Variants in MAP4K1 observed in about 807,000 individuals in gnomAD.
MAP4K1 encodes the protein MAPK/ERK kinase kinase kinase 1.
MAP4K1 carries 35 observed loss-of-function variants against 122.8 expected under a neutral mutation model. The observed-to-expected ratio is 0.29, with a 90% CI of 0.22 to 0.38. The LOEUF (loss-of-function observed/expected upper bound fraction) is 0.38. Ranked by LOEUF, MAP4K1 falls within the 10% of genes least tolerant of loss-of-function variation. MAP4K1 has a pLI of 1.00. For missense variants in MAP4K1, 791 were observed against 1,072.6 expected (o/e 0.74, Z 3.67); for synonymous variants, 412 against 421.3 (o/e 0.98, Z 0.27).
chr19:38,601,592 T>C, intron 19 of MAP4K1, 67 bp from the exon 20 acceptor site: 1 of 1,229,568 alleles, frequency 8.1e-7, no homozygotes, highest in Non-Finnish European at 1.2e-6. Context: ...GAAGGGGCAG[T>C]GGTTACGACT....
rs926226720 is a variant in MAP4K1, at chr19:38,616,178, G to A, written c.313+17C>T. 41 of 1,608,070 alleles carry A rather than the reference G, an allele frequency of 2.5e-5. No individual in the cohort carries two copies. Among genetic ancestry groups the A allele is most frequent in the Non-Finnish European group, 3.2e-5 (38 of 1,177,302 alleles). On this transcript the variant is annotated intron_variant, in intron 4 of 30. Coordinates refer to ENST00000396857, the MANE Select transcript of MAP4K1 (RefSeq NM_001042600.3). Reference sequence around the variant, plus strand: ...GGATAGGGAGGGGTGCTTGGGTCCCGTTGTCCTTTCTCTAACCTTGGTAGA... The same window carrying A: ...GGATAGGGAGGGGTGCTTGGGTCCCATTGTCCTTTCTCTAACCTTGGTAGA...
rs1224269473 is a variant in MAP4K1 at position 38,594,823 on chromosome 19, C to T, written c.2340+662G>A. Among the ~76,000 whole-genome samples the T allele has an allele frequency of 2.0e-5, 3 of 151,886 alleles. 1 individual carries two copies. Among genetic ancestry groups the T allele is most frequent in the South Asian group, 4.2e-4 (2 of 4,804 alleles). ...AAGCATGGCGGCATGCACCTGTAGTCTCAGCTACTCAGGAGGCTGAGGCAG... is the reference window on the plus strand; with the variant it reads ...AAGCATGGCGGCATGCACCTGTAGTTTCAGCTACTCAGGAGGCTGAGGCAG... On this transcript the variant is annotated intron_variant, in intron 29 of 30. Coordinates refer to ENST00000396857, the MANE Select transcript of MAP4K1 (RefSeq NM_001042600.3).
chr19:38,617,297 TG>T lies in MAP4K1; in HGVS notation c.248+56del. 1 of 1,178,628 alleles carries T rather than the reference TG, an allele frequency of 8.5e-7. No homozygotes were observed. The highest frequency in any genetic ancestry group is 1.3e-6 in the Non-Finnish European group (1 of 784,310). The allele number at this position is 1,178,628 out of a possible 1,614,324, so 73.0% of individuals were successfully genotyped here. Reference sequence around the variant, plus strand: ...AACTGAGGGTACCCCCATCAAGAAATGGGGACTCCGGGTTAGGGGCTGGGCT... The same window carrying T: ...AACTGAGGGTACCCCCATCAAGAAATGGGACTCCGGGTTAGGGGCTGGGCT... On this transcript the variant is annotated intron_variant, in intron 3 of 30. Coordinates refer to ENST00000396857, the MANE Select transcript of MAP4K1 (RefSeq NM_001042600.3). The surrounding 1 kb of genome is among the most constrained non-coding windows in gnomAD (Gnocchi z 4.1).
chr19:38,611,328 T>C (rs1473739172), intron 9 of MAP4K1, 23 bp from the exon 10 acceptor site: 3 of 1,576,074 alleles, frequency 1.9e-6, no homozygotes, highest in South Asian at 1.1e-5. Flanking sequence ...GGAAAGGACA[T>C]GGGGTTCAGA....
rs147041063 is a variant in MAP4K1, at chr19:38,591,091, G to A, written c.2396+2191C>T. Among the ~76,000 whole-genome samples, 868 of 152,148 alleles carry A rather than the reference G, an allele frequency of 5.7e-3. 6 individuals are homozygous for A. Among genetic ancestry groups the A allele is most frequent in the African/African-American group, 0.017 (690 of 41,506 alleles). ...TGTAATCCCAGCTACTCGGGAGGCT[G>A]AGGCAGGAGGAGTGCTTGAACCCAG... is the stretch of plus-strand genomic sequence containing the variant. On this transcript the variant is annotated intron_variant, in intron 30 of 30. Transcript: ENST00000396857.
Position 38,608,038 on chromosome 19 carries a change from G to C in MAP4K1, c.1066-5C>G. 2 of 1,596,902 alleles carry C rather than the reference G, an allele frequency of 1.3e-6. No homozygotes were observed. The highest frequency in any genetic ancestry group is 1.7e-6 in the Non-Finnish European group (2 of 1,169,834). ...TCGAGGAGGCTGTAGGCGAGCCTGT[G>C]GGGTAGGAAAAGGGTCAGCAGTGGC... On this transcript the variant is annotated splice_polypyrimidine_tract_variant and splice_region_variant and intron_variant, in intron 14 of 30. Transcript: ENST00000396857.
rs188155396 is a variant in MAP4K1, at chr19:38,605,330, C to A, written c.1446+79G>T. On this transcript the variant is annotated intron_variant, in intron 19 of 30. Transcript: ENST00000396857. ...AATGTCACCTGTTGTTACTGTCAGTCCTGCCACCCCCTCCCCACCCCACCA... is the reference window on the plus strand; with the variant it reads ...AATGTCACCTGTTGTTACTGTCAGTACTGCCACCCCCTCCCCACCCCACCA... 2.2e-5 allele frequency: 24 copies of A among 1,113,376 alleles called. No homozygotes were observed. In the Admixed American group the frequency reaches 5.2e-4, roughly 24 times the overall value. 69.0% of individuals were successfully genotyped at this position (1,113,376 alleles called of 1,614,324 possible).
intron 26 of MAP4K1, 90 bp from the exon 27 acceptor site, chr19:38,596,091 A>T: frequency 7.2e-7 from 1 of 1,396,316 alleles, no homozygotes. Context: ...TGCTTTAGCC[A>T]CCGCCTCAGT....
At chr19:38,589,420 CTT>C (rs933890014) in intron 30 of MAP4K1, 28 of 145,508 alleles carry the variant, frequency 1.9e-4, no homozygotes, top group South Asian at 1.6e-3. Context: ...AAAGATACTT[CTT>C]TTTTTTTTTT....
At position 38,587,765 on chromosome 19, in the gene MAP4K1, G is replaced by C. The variant is rs1182594917; in HGVS notation, c.2449C>G (p.Leu817Val). Reference sequence around the variant, plus strand: ...CTAGGGACTCATTCCTGGATGTAGAGGTTGCTGGGAGCAGTAGGATCATCC... The same window carrying C: ...CTAGGGACTCATTCCTGGATGTAGACGTTGCTGGGAGCAGTAGGATCATCC... Reference protein sequence around the residue: ...PVDDPTAPSNLYIQE With the variant: ...PVDDPTAPSNVYIQE The change falls in exon 31 of 31, where the codon CTC (leucine) becomes GTC (valine). Residue 817 changes from leucine to valine, a missense_variant. Leu to Val is a conservative substitution (Grantham distance 32). Around this residue, in one of 4 missense-constraint regions of MAP4K1, gnomAD observed 267 missense variants for 323.0 expected, o/e 0.83. Transcript: ENST00000396857. The C allele has an allele frequency of 1.2e-6, 2 of 1,614,004 alleles. No individual in the cohort carries two copies. The highest frequency in any genetic ancestry group is 1.7e-5 in the Admixed American group (1 of 59,992).
At position 38,617,382 on chromosome 19, in the gene MAP4K1, T is replaced by C; in HGVS notation, c.220A>G (p.Ile74Val). The C allele has an allele frequency of 6.2e-7, 1 of 1,613,762 alleles. No individual in the cohort carries two copies. The highest frequency in any genetic ancestry group is 8.5e-7 in the Non-Finnish European group (1 of 1,179,922). The change falls in exon 3 of 31, where the codon ATC (isoleucine) becomes GTC (valine). Residue 74 changes from isoleucine (I) to valine (V), a missense_variant. By Grantham distance (29) the Ile-to-Val change is conservative (BLOSUM62 3). Around this residue, in one of 4 missense-constraint regions of MAP4K1, gnomAD observed 163 missense variants for 286.1 expected, o/e 0.57. Transcript: ENST00000396857. The surrounding 1 kb of genome is among the most constrained non-coding windows in gnomAD (Gnocchi z 4.1). ...AGATAACTCCCATGGTAGGCCACGA[T>C]GTTGGCGTGCCGGCAAGTTTTCAAT... ...LILKTCRHANIVAYHGSYLWL... is the reference protein window; with the variant it reads ...LILKTCRHANVVAYHGSYLWL...
Position 38,609,919 on chromosome 19 carries a change from T to A in MAP4K1, c.917A>T (p.Glu306Val), listed in dbSNP as rs1437711338. Reference protein sequence around the residue: ...KGPSIGDIEDEEPELPPAIPR... With the variant: ...KGPSIGDIEDVEPELPPAIPR... ...AGCCAAGGCTCTCACCTCGGGCTCC[T>A]CATCCTCAATGTCCCCAATGGAGGG... The change falls in exon 12 of 31, where the codon GAG becomes GTG. Residue 306 changes from glutamate (E) to valine (V), a missense_variant. Around this residue, in one of 4 missense-constraint regions of MAP4K1, gnomAD observed 303 missense variants for 344.8 expected, o/e 0.88. Transcript: ENST00000396857. The A allele has an allele frequency of 1.2e-6, 2 of 1,613,850 alleles. No homozygotes were observed. Among genetic ancestry groups the A allele is most frequent in the Non-Finnish European group, 1.7e-6 (2 of 1,179,806 alleles).
intron 11 of MAP4K1, among the ~76,000 whole-genome samples, chr19:38,610,552 A>G (rs1317821954): frequency 6.6e-6 from 1 of 151,564 alleles, no homozygotes; most frequent in African/African-American, 2.4e-5. Flanking sequence ...TGCTCAGCTA[A>G]TTTTTGTATT....
chr19:38,593,434 G>A, intron 29 of MAP4K1, 97 bp from the exon 30 acceptor site: 1 of 1,108,294 alleles, frequency 9.0e-7, no homozygotes, highest in East Asian at 2.8e-5. Flanking sequence ...TGGGCACGGT[G>A]GCTCACGCCT....
At chr19:38,590,039 AG>A (rs1234800069) in intron 30 of MAP4K1, among the ~76,000 whole-genome samples, 1 of 151,836 alleles carries the variant, frequency 6.6e-6, no homozygotes, top group Non-Finnish European at 1.5e-5. Context: ...TTAAAAAAAA[AG>A]AAAAAGGGAG....
intron 30 of MAP4K1, among the ~76,000 whole-genome samples, chr19:38,588,616 G>A (rs980356200): frequency 3.8e-5 from 5 of 132,620 alleles, no homozygotes; most frequent in Non-Finnish European, 6.3e-5. Flanking sequence ...AGCCAGGTGT[G>A]GTGGCAGGCA....
chr19:38,610,093 G>T, intron 11 of MAP4K1, 68 bp from the exon 12 acceptor site: 1 of 1,153,956 alleles, frequency 8.7e-7, no homozygotes. Flanking sequence ...TGTGGACAGA[G>T]AGGACTGGTA....
intron 19 of MAP4K1, among the ~76,000 whole-genome samples, chr19:38,602,353 G>A (rs1419013834): frequency 2.6e-5 from 4 of 151,574 alleles, no homozygotes; most frequent in Admixed American, 6.6e-5. Flanking sequence ...GGGATTACAG[G>A]CATGAGCCAC....
chr19:38,605,588 G>T lies in MAP4K1; in HGVS notation c.1343C>A (p.Pro448His), dbSNP rs976391506. 1 of 1,550,330 alleles carries T rather than the reference G, an allele frequency of 6.5e-7. No individual in the cohort carries two copies. The highest frequency in any genetic ancestry group is 2.1e-5 in the Admixed American group (1 of 47,046). Residue 448 changes from proline (P) to histidine (H), a missense_variant, in exon 18 of 31, where the codon CCC becomes CAC. Transcript: ENST00000396857. ...RPGPPPSTSS[P>H]HLTAHSEPSL... ...ATTACCTGAATGGGCGGTGAGGTGG[G>T]GGCTGCTGGTGGATGGGGGAGGCCC...
Sources: allele counts gnomAD v4.1 joint callset (sites outside exome capture counted in the v4.1 genomes callset), GRCh38; gene constraint gnomAD v4.1.1; regional missense constraint gnomAD v4.1.1; non-coding constraint Gnocchi (gnomAD v3.1); transcripts MANE v1.5; gene names NCBI Gene and HGNC (gene_info 2026-07-23, HGNC 2026-07-21).